CCDC34: variants seen among roughly 807,000 people sequenced by gnomAD.
CCDC34 encodes the protein coiled-coil domain-containing protein 34.
Under a neutral mutation model 44.1 loss-of-function variants are expected in CCDC34, and 40 were observed. That is an observed-to-expected ratio of 0.91 (90% CI 0.70 to 1.18). The LOEUF (loss-of-function observed/expected upper bound fraction) is 1.18, where lower values mean the gene tolerates loss of function less well. CCDC34 is among the 50% of genes most tolerant of loss of function. The pLI is 0.00. For missense variants in CCDC34, 466 were observed against 452.3 expected (o/e 1.03, Z -0.28); for synonymous variants, 159 against 158.2 (o/e 1.01, Z -0.04).
At chr11:27,351,043 T>C (rs1219766934) in intron 2 of CCDC34, among the ~76,000 whole-genome samples, 1 of 152,184 alleles carries the variant, frequency 6.6e-6, no homozygotes, top group Non-Finnish European at 1.5e-5. Flanking sequence ...GTTTGGGCAT[T>C]TCCTCAGGAA....
chr11:27,340,045 C>CCACTTGGCCAA (rs1554962754), intron 5 of CCDC34, among the ~76,000 whole-genome samples: 5 of 151,594 alleles, frequency 3.3e-5, no homozygotes. Flanking sequence ...CACTGGCAAC[C>CCACTTGGCCAA]CACTTGGCAT....
chr11:27,340,837 C>G lies in CCDC34; in HGVS notation c.766G>C (p.Glu256Gln). 6.2e-7 allele frequency: 1 copy of G among 1,610,504 alleles called. No homozygotes were observed. The highest frequency in any genetic ancestry group is 8.5e-7 in the Non-Finnish European group (1 of 1,178,576). The change falls in exon 5 of 6, where the codon GAA (glutamate) becomes CAA (glutamine). Residue 256 changes from glutamate (E) to glutamine (Q), a missense_variant and splice_region_variant. Glu to Gln is a conservative substitution (Grantham distance 29). Transcript: ENST00000328697. The stretch of plus-strand genomic sequence containing the variant: ...TCAGCTTGCTGTTGTTTTTCTTTTT[C>G]CTTAAAATGACAAGACCAAAATATT... Reference protein sequence around the residue: ...EECERKKKEKEKEKQQQAEIQ... With the variant: ...EECERKKKEKQKEKQQQAEIQ...
chr11:27,341,412 C>T lies in CCDC34; in HGVS notation c.745G>A (p.Glu249Lys), dbSNP rs1862356401. The T allele has an allele frequency of 1.4e-6, 2 of 1,463,014 alleles. No homozygotes were observed. The highest frequency in any genetic ancestry group is 1.8e-6 in the Non-Finnish European group (2 of 1,086,294). The allele number at this position is 1,463,014 out of a possible 1,614,324, so 90.6% of individuals were successfully genotyped here. A position where few individuals can be genotyped will look rare whatever the true frequency, so the allele number is the denominator to read the frequency against. ...AATACCTTTTCTTTCTTCTTCCTCT[C>T]ACATTCTTCAGCATTTTTTTTCTTT... ...WLKKKNAEEC[E>K]RKKKEKEKEK... Residue 249 changes from glutamate (E) to lysine (K), a missense_variant, in exon 4 of 6, where the codon GAG (glutamate) becomes AAG (lysine). By Grantham distance (56) the Glu-to-Lys change is moderately conservative. Transcript: ENST00000328697.
At chr11:27,350,135 G>A in intron 3 of CCDC34, 197 bp downstream of exon 3, 1 of 1,446,996 alleles carries the variant, frequency 6.9e-7, no homozygotes, top group East Asian at 2.5e-5. Flanking sequence ...GCCACAGGAG[G>A]GAAAAAGGAG....
chr11:27,358,961 C>T (rs945712658), intron 1 of CCDC34, among the ~76,000 whole-genome samples: 1 of 104,572 alleles, frequency 9.6e-6, no homozygotes, highest in African/African-American at 3.2e-5. Flanking sequence ...CATGTGGACC[C>T]CCCCCCCCCA....
At chr11:27,341,716 C>T (rs1261743404) in intron 3 of CCDC34, among the ~76,000 whole-genome samples, 166 bp from the exon 4 acceptor site, 1 of 152,138 alleles carries the variant, frequency 6.6e-6, no homozygotes, top group Admixed American at 6.5e-5. Context: ...AACATACCTG[C>T]AATTAACAGT....
intron 1 of CCDC34, among the ~76,000 whole-genome samples, chr11:27,361,795 C>G (rs533931464): frequency 6.6e-6 from 1 of 152,314 alleles, no homozygotes; most frequent in East Asian, 1.9e-4. Flanking sequence ...AGCATGAGTT[C>G]TCTGGCCTGT....
Position 27,341,377 on chromosome 11 carries a change from C to T in CCDC34, c.765+15G>A, listed in dbSNP as rs200519703. On this transcript the variant is annotated intron_variant, in intron 4 of 5. Coordinates refer to ENST00000328697, the MANE Select transcript of CCDC34 (RefSeq NM_030771.2). ...CAAAGTTATGTATTCTAACTGGTCA[C>T]TTTAATAAAAATACCTTTTCTTTCT... 1.2e-4 allele frequency: 172 copies of T among 1,434,620 alleles called. No individual in the cohort carries two copies. Among genetic ancestry groups the T allele is most frequent in the Non-Finnish European group, 1.5e-4 (156 of 1,057,262 alleles). The allele number at this position is 1,434,620 out of a possible 1,614,324, so 88.9% of individuals were successfully genotyped here.
Position 27,363,064 on chromosome 11 carries a change from C to T in CCDC34, c.131G>A (p.Gly44Glu). The change falls in exon 1 of 6, where the codon GGG becomes GAG. Residue 44 changes from glycine to glutamate, a missense_variant. Physicochemically the swap from Gly to Glu is moderately conservative, Grantham distance 98 (BLOSUM62 -2). Coordinates refer to ENST00000328697, the MANE Select transcript of CCDC34 (RefSeq NM_030771.2). ...SVPMTGARGQ[G>E]LEVVRSPSPP... ...CGACGGCGAGCGCACCACCTCCAGC[C>T]CCTGCCCACGTGCGCCCGTCATAGG... 6.2e-7 allele frequency: 1 copy of T among 1,613,060 alleles called. No homozygotes were observed. Among genetic ancestry groups the T allele is most frequent in the Non-Finnish European group, 8.5e-7 (1 of 1,179,562 alleles).
intron 1 of CCDC34, among the ~76,000 whole-genome samples, chr11:27,359,961 T>A (rs1862638890): frequency 6.6e-6 from 1 of 152,200 alleles, no homozygotes; most frequent in Non-Finnish European, 1.5e-5. Flanking sequence ...CATTTTTTTA[T>A]TTCAAGAGCC....
intron 4 of CCDC34, among the ~76,000 whole-genome samples, chr11:27,341,038 A>G (rs1020268040): frequency 6.6e-6 from 1 of 152,200 alleles, no homozygotes; most frequent in Non-Finnish European, 1.5e-5. Flanking sequence ...CTGAAAAACA[A>G]TAAGACATCA....
intron 3 of CCDC34, chr11:27,349,405 G>A (rs1862474890): frequency 2.4e-6 from 2 of 826,156 alleles, no homozygotes; most frequent in Admixed American, 1.3e-4. Flanking sequence ...GATGAAGAAG[G>A]TTATATCATC....
Position 27,363,115 on chromosome 11 carries a change from C to G in CCDC34, c.80G>C (p.Arg27Pro), listed in dbSNP as rs1032908112. Residue 27 changes from arginine to proline, a missense_variant, in exon 1 of 6, where the codon CGG becomes CCG. Physicochemically the swap from Arg to Pro is moderately radical, Grantham distance 103. Coordinates refer to ENST00000328697, the MANE Select transcript of CCDC34 (RefSeq NM_030771.2). ...GFSADCRPRS[R>P]PSSDSCSVPM... is the part of the protein sequence containing the mutation. ...GACTGAGCAGGAGTCCGAGGAGGGC[C>G]GAGACCTGGGTCTGCAGTCAGCAGA... 11 of 1,584,472 alleles carry G rather than the reference C, an allele frequency of 6.9e-6. No individual in the cohort carries two copies. Among genetic ancestry groups the G allele is most frequent in the African/African-American group, 1.3e-5 (1 of 74,252 alleles).
chr11:27,353,757 A>G (rs1197950836), intron 2 of CCDC34, among the ~76,000 whole-genome samples: 2 of 152,198 alleles, frequency 1.3e-5, no homozygotes, highest in Non-Finnish European at 2.9e-5. Context: ...TAAATCTTAA[A>G]GGAAGAAAAT....
chr11:27,348,945 T>A, intron 3 of CCDC34: 2 of 985,196 alleles, frequency 2.0e-6, no homozygotes, highest in South Asian at 9.4e-5. Context: ...TAGTGATTTA[T>A]GTCAGGGCAA....
At chr11:27,351,248 T>C (rs1045136427) in intron 2 of CCDC34, among the ~76,000 whole-genome samples, 1 of 152,196 alleles carries the variant, frequency 6.6e-6, no homozygotes, top group African/African-American at 2.4e-5. Flanking sequence ...GTATCTTCTG[T>C]TGGTCTCCAC....
At chr11:27,359,478 A>AT (rs1293476737) in intron 1 of CCDC34, among the ~76,000 whole-genome samples, 3 of 141,448 alleles carry the variant, frequency 2.1e-5, no homozygotes, top group South Asian at 2.2e-4. Context: ...AGCTATGTAC[A>AT]TTTTTTTTCT....
chr11:27,340,490 T>C (rs886167142), intron 5 of CCDC34, among the ~76,000 whole-genome samples: 3 of 152,260 alleles, frequency 2.0e-5, no homozygotes, highest in African/African-American at 7.2e-5. Context: ...GTTTTGTAAC[T>C]ACTGCTTTTA....
intron 2 of CCDC34, among the ~76,000 whole-genome samples, chr11:27,354,816 G>A (rs751773802): frequency 1.3e-5 from 2 of 151,988 alleles, no homozygotes; most frequent in African/African-American, 2.4e-5. Flanking sequence ...CTGTGATCAC[G>A]CCACTACACT....
Sources: allele counts gnomAD v4.1 joint callset (sites outside exome capture counted in the v4.1 genomes callset), GRCh38; gene constraint gnomAD v4.1.1; transcripts MANE v1.5; gene names NCBI Gene and HGNC (gene_info 2026-07-23, HGNC 2026-07-21).